DNASE1: variants seen among roughly 807,000 people sequenced by gnomAD.
DNASE1 encodes the protein deoxyribonuclease-1.
Under a neutral mutation model 33.9 loss-of-function variants are expected in DNASE1, and 40 were observed. The observed-to-expected ratio is 1.18, with a 90% CI of 0.92 to 1.54. DNASE1 has a LOEUF of 1.54. Ranked by LOEUF, DNASE1 falls within the 40% of genes most tolerant of loss-of-function variation. The pLI is 0.00. For synonymous variants in DNASE1, 216 were observed against 160.0 expected, an observed-to-expected ratio of 1.35 and a Z score of -2.64; for missense variants, 518 against 372.6, an observed-to-expected ratio of 1.39 and a Z score of -3.21.
chr16:3,658,339 A>G, downstream of DNASE1: 1 of 874,340 alleles, frequency 1.1e-6, no homozygotes, highest in East Asian at 2.6e-5. Flanking sequence ...CAGAGGCACG[A>G]TCTCGGCTCA....
chr16:3,614,966 C>T (rs549925751), intron 1 of DNASE1, among the ~76,000 whole-genome samples: 1 of 152,248 alleles, frequency 6.6e-6, no homozygotes, highest in Admixed American at 6.5e-5. Flanking sequence ...AACCCCAAAT[C>T]TGGCTATATT....
At chr16:3,640,756 G>A, upstream of DNASE1, 1 of 398,632 alleles carries the variant, frequency 2.5e-6, no homozygotes, top group South Asian at 1.3e-4. Flanking sequence ...GCAAAAGCTT[G>A]CTGAGTGGTA....
chr16:3,620,659 T>G (rs1187777959), intron 1 of DNASE1, among the ~76,000 whole-genome samples: 2 of 152,182 alleles, frequency 1.3e-5, no homozygotes, highest in African/African-American at 4.8e-5. Flanking sequence ...TTTTTATCAT[T>G]ATAGATTATG....
downstream of DNASE1, chr16:3,658,265 C>G (rs1228979643): frequency 6.7e-7 from 1 of 1,494,144 alleles, no homozygotes. Flanking sequence ...TTATGAGGGG[C>G]ATGGGGCACC....
chr16:3,655,991 C>CTCACT lies in DNASE1; in HGVS notation c.236+61_236+65dup. On this transcript the variant is annotated intron_variant, in intron 3 of 8. Transcript: ENST00000246949. ...GGTGACATCTCGTCCACGGCACAGC[C>CTCACT]TCACTTCACTTGGGCCCCAAGGGTG... 3 of 1,612,520 alleles carry CTCACT rather than the reference C, an allele frequency of 1.9e-6. No individual in the cohort carries two copies. The African/African-American group carries it at 4.0e-5, about 21-fold the overall frequency.
Position 3,657,353 on chromosome 16 carries a change from C to T in DNASE1, c.704+12C>T, listed in dbSNP as rs1487891653. Reference sequence around the variant, plus strand: ...TGTGCCTATGACAGGTGAGCAGGGCCTCGCGCTTAGGGCAGACTGAGGGCA... The same window carrying T: ...TGTGCCTATGACAGGTGAGCAGGGCTTCGCGCTTAGGGCAGACTGAGGGCA... On this transcript the variant is annotated intron_variant, in intron 7 of 8. Transcript: ENST00000246949. 1.2e-6 allele frequency: 2 copies of T among 1,611,600 alleles called. No individual in the cohort carries two copies. The highest frequency in any genetic ancestry group is 1.7e-6 in the Non-Finnish European group (2 of 1,179,882).
At chr16:3,659,455 A>G (rs2042937163), downstream of DNASE1, 1 of 152,210 alleles carries the variant, frequency 6.6e-6, no homozygotes, top group African/African-American at 2.4e-5. Flanking sequence ...TCATCTCAGA[A>G]GGGGAAAGCC....
At chr16:3,649,444 T>C (rs2042268256) in intron 1 of DNASE1, among the ~76,000 whole-genome samples, 1 of 152,262 alleles carries the variant, frequency 6.6e-6, no homozygotes, top group East Asian at 1.9e-4. Context: ...AACTTATGTA[T>C]TGAAACACAG....
exon 10 of DNASE1, chr16:3,664,366 C>A (rs147135526): frequency 1.2e-6 from 2 of 1,612,752 alleles, no homozygotes; most frequent in Non-Finnish European, 1.7e-6. Context: ...TTGCGGGTGC[C>A]GGCCCGCATG....
At position 3,619,958 on chromosome 16, in the gene DNASE1, T is replaced by G. The variant is rs1044810022; in HGVS notation, c.-1359+7952T>G. On this transcript the variant is annotated intron_variant and NMD_transcript_variant, in intron 1 of 11. Transcript: ENST00000570769. Reference sequence around the variant, plus strand: ...TGAGACAGAGTCTTGCTCTGTCACCTAGGCTGGAGTGCAGTGGCATAATCT... The same window carrying G: ...TGAGACAGAGTCTTGCTCTGTCACCGAGGCTGGAGTGCAGTGGCATAATCT... 1.1e-4 allele frequency among the ~76,000 whole-genome samples: 16 copies of G among 150,090 alleles called. 1 individual carries two copies. Among genetic ancestry groups the G allele is most frequent in the African/African-American group, 3.9e-4 (16 of 40,952 alleles).
At chr16:3,663,128 G>A (rs1175327877) in exon 10 of DNASE1, 4 of 676,068 alleles carry the variant, frequency 5.9e-6, no homozygotes, top group African/African-American at 5.4e-5. Flanking sequence ...CTCAAAGGAT[G>A]CTTCAGGTTG....
At chr16:3,625,297 C>G (rs1292450793) in intron 1 of DNASE1, among the ~76,000 whole-genome samples, 1 of 151,974 alleles carries the variant, frequency 6.6e-6, no homozygotes, top group Non-Finnish European at 1.5e-5. Context: ...CAGAGTGAGA[C>G]TCTGTCTCCA....
In DNASE1 at chr16:3,648,536, C is replaced by T. The variant is rs532400755; in HGVS notation, c.-86+5500C>T. On this transcript the variant is annotated intron_variant, in intron 1 of 9. Coordinates refer to the DNASE1 transcript ENST00000407479. ...GTGTGAACCCCAGAGGCGAAGCTCGCGTGAACCCCAGAGGCAGGCTGCAGT... is the reference window on the plus strand; with the variant it reads ...GTGTGAACCCCAGAGGCGAAGCTCGTGTGAACCCCAGAGGCAGGCTGCAGT... 5.3e-5 allele frequency among the ~76,000 whole-genome samples: 8 copies of T among 151,924 alleles called. No individual in the cohort carries two copies. In the South Asian group the frequency reaches 1.0e-3, roughly 20 times the overall value.
chr16:3,628,098 T>C (rs956510369), intron 1 of DNASE1, among the ~76,000 whole-genome samples: 3 of 152,200 alleles, frequency 2.0e-5, no homozygotes, highest in East Asian at 1.9e-4. Flanking sequence ...TCCTTACTTA[T>C]ATCTTCATTA....
At chr16:3,645,591 C>T (rs1009414860) in intron 1 of DNASE1, among the ~76,000 whole-genome samples, 6 of 152,184 alleles carry the variant, frequency 3.9e-5, no homozygotes, top group Non-Finnish European at 5.9e-5. Flanking sequence ...ACGGGGCAGC[C>T]GGCGGAGGCT....
intron 1 of DNASE1, among the ~76,000 whole-genome samples, chr16:3,612,332 C>T (rs894487146): frequency 6.6e-6 from 1 of 151,970 alleles, no homozygotes; most frequent in African/African-American, 2.4e-5. Context: ...CTCACTGCAA[C>T]CTCTGTCTCC....
downstream of DNASE1, chr16:3,658,396 A>C (rs1053820156): frequency 1.9e-5 from 12 of 643,426 alleles, no homozygotes; most frequent in African/African-American, 3.7e-5. Flanking sequence ...CTGGGATTAC[A>C]GGCGTGAGCC....
chr16:3,646,658 A>G (rs1020476266), intron 1 of DNASE1, among the ~76,000 whole-genome samples: 1 of 152,172 alleles, frequency 6.6e-6, no homozygotes, highest in Non-Finnish European at 1.5e-5. Flanking sequence ...ACAATGAGAA[A>G]CTGGTGACAG....
intron 1 of DNASE1, among the ~76,000 whole-genome samples, chr16:3,615,987 G>T (rs2041089858): frequency 6.6e-6 from 1 of 152,170 alleles, no homozygotes; most frequent in African/African-American, 2.4e-5. Flanking sequence ...AACAAGGAAA[G>T]AATTGTCTCC....
Sources: allele counts gnomAD v4.1 joint callset (sites outside exome capture counted in the v4.1 genomes callset), GRCh38; gene constraint gnomAD v4.1.1; transcripts MANE v1.5; gene names NCBI Gene and HGNC (gene_info 2026-07-23, HGNC 2026-07-21).